The following ZNF577 variants were observed in gnomAD, a reference collection of about 807,000 sequenced individuals.
The protein encoded by ZNF577 is zinc finger protein 577.
A neutral mutation model predicts 13.9 loss-of-function variants in ZNF577; 14 were observed. The observed-to-expected ratio is 1.00, with a 90% CI of 0.66 to 1.57. The LOEUF (loss-of-function observed/expected upper bound fraction) is 1.57. ZNF577 is among the 40% of genes most tolerant of loss of function. The pLI is 0.00. For synonymous variants in ZNF577, 203 were observed against 202.9 expected (o/e 1.00, Z 0.00); for missense variants, 555 against 579.2 (o/e 0.96, Z 0.43).
At chr19:51,827,043 C>A (rs1315986122) in intron 9 of ZNF577, among the ~76,000 whole-genome samples, 5 of 152,160 alleles carry the variant, frequency 3.3e-5, no homozygotes, top group Admixed American at 1.3e-4. Flanking sequence ...GTGTCTCTGG[C>A]CACATGACGT....
chr19:51,873,064 A>C lies in ZNF577; in HGVS notation c.926T>G (p.Phe309Cys). 6.2e-7 allele frequency: 1 copy of C among 1,614,150 alleles called. No individual in the cohort carries two copies. Among genetic ancestry groups the C allele is most frequent in the South Asian group, 1.1e-5 (1 of 91,074 alleles). ...KCSDCGRTFY[F>C]KSDLTRHQRI... ...CTGATGTCTGGTCAGGTCTGACTTA[A>C]AATAGAAGGTTCTTCCACAATCACT... Residue 309 changes from phenylalanine (F) to cysteine (C), a missense_variant, in exon 6 of 6, where the codon TTT becomes TGT. By Grantham distance (205) the Phe-to-Cys change is radical. Transcript: ENST00000638348.
Position 51,870,737 on chromosome 19 carries a change from G to C in ZNF577, c.*1795C>G, listed in dbSNP as rs1205787572. Among the ~76,000 whole-genome samples, 4 of 152,106 alleles carry C rather than the reference G, an allele frequency of 2.6e-5. No homozygotes were observed. The highest frequency in any genetic ancestry group is 4.8e-5 in the African/African-American group (2 of 41,430). On this transcript the variant is annotated 3_prime_UTR_variant, in exon 6 of 6. Transcript: ENST00000638348. The stretch of plus-strand genomic sequence containing the variant: ...CCAATTCATGAATTTGGGCCACCTT[G>C]AATTCCTCAAACCCTAAACTCTGTC...
At chr19:51,875,970 C>G (rs1221746090) in intron 5 of ZNF577, among the ~76,000 whole-genome samples, 1 of 152,170 alleles carries the variant, frequency 6.6e-6, no homozygotes, top group South Asian at 2.1e-4. Context: ...AAGGCAACTC[C>G]AAGGTGACCA....
chr19:51,805,810 T>C (rs2084055019), intron 10 of ZNF577, among the ~76,000 whole-genome samples: 1 of 152,150 alleles, frequency 6.6e-6, no homozygotes, highest in African/African-American at 2.4e-5. Flanking sequence ...GCAAAAATTA[T>C]CATGCCTAAG....
In ZNF577 at chr19:51,880,665, A is replaced by G. The variant is rs2084847732; in HGVS notation, c.-20+14T>C. On this transcript the variant is annotated intron_variant, in intron 2 of 5. Transcript: ENST00000638348. ...TTGGGAAACAAACGACAAAATAGGTAAAACAAACCTCACCTGGGCCTTGCC... is the reference window on the plus strand; with the variant it reads ...TTGGGAAACAAACGACAAAATAGGTGAAACAAACCTCACCTGGGCCTTGCC... 1 of 452,502 alleles carries G rather than the reference A, an allele frequency of 2.2e-6. No homozygotes were observed. Among genetic ancestry groups the G allele is most frequent in the Non-Finnish European group, 4.0e-6 (1 of 250,990 alleles). The allele number at this position is 452,502 out of a possible 1,614,324, so 28.0% of individuals were successfully genotyped here.
Position 51,843,500 on chromosome 19 carries a change from C to T in ZNF577, c.*155-185G>A, listed in dbSNP as rs560615312. Among the ~76,000 whole-genome samples, 3 of 152,288 alleles carry T rather than the reference C, an allele frequency of 2.0e-5. No homozygotes were observed. The South Asian group carries it at 6.2e-4, about 32-fold the overall frequency. On this transcript the variant is annotated intron_variant and NMD_transcript_variant, in intron 6 of 10. Coordinates refer to the ZNF577 transcript ENST00000638827. ...AAAAACTATCTTTTCTTTGTGCATT[C>T]TTCATTCACTTGTTTACTCTTTCAT...
intron 9 of ZNF577, among the ~76,000 whole-genome samples, chr19:51,831,713 A>G (rs1324367343): frequency 1.3e-5 from 2 of 152,170 alleles, no homozygotes; most frequent in Non-Finnish European, 2.9e-5. Flanking sequence ...TGAATCCACT[A>G]TCTGACTCCC....
chr19:51,878,504 T>G lies in ZNF577; in HGVS notation c.72A>C (p.Ser24=). The G allele has an allele frequency of 6.2e-7, 1 of 1,614,094 alleles. No individual in the cohort carries two copies. Among genetic ancestry groups the G allele is most frequent in the Non-Finnish European group, 8.5e-7 (1 of 1,179,968 alleles). Residue 24 remains serine, a synonymous_variant, in exon 4 of 6, where the codon TCA becomes TCC. Coordinates refer to ENST00000638348, the MANE Select transcript of ZNF577 (RefSeq NM_001370449.1). ...TGAAGCCCACAGCCACATCTTCGAA[T>G]GACAATGACCCCTATAATAACAATT... ...QGSSSGEGSL[S]FEDVAVGFTR... is the part of the protein sequence containing the mutation.
At chr19:51,847,272 T>C (rs1485271609) in intron 5 of ZNF577, among the ~76,000 whole-genome samples, 1 of 152,146 alleles carries the variant, frequency 6.6e-6, no homozygotes, top group Non-Finnish European at 1.5e-5. Flanking sequence ...TTGGGAAATA[T>C]AATACCTCAA....
At chr19:51,833,263 A>G (rs1462283593) in intron 9 of ZNF577, among the ~76,000 whole-genome samples, 1 of 152,104 alleles carries the variant, frequency 6.6e-6, no homozygotes, top group Non-Finnish European at 1.5e-5. Flanking sequence ...TCAGTAATCA[A>G]GGCAATCACG....
chr19:51,886,113 T>G (rs879061235), intron 1 of ZNF577: 1 of 152,268 alleles, frequency 6.6e-6, no homozygotes, highest in Middle Eastern at 3.4e-3. Context: ...AGATAATAAT[T>G]ACCTTTGGAG....
In ZNF577 at chr19:51,873,186, T is replaced by C. The variant is rs1430850169; in HGVS notation, c.804A>G (p.Lys268=). The change falls in exon 6 of 6, where the codon AAA becomes AAG. Residue 268 remains lysine (K), a synonymous_variant. Coordinates refer to ENST00000638348, the MANE Select transcript of ZNF577 (RefSeq NM_001370449.1). ...TCCCACACACACTGCACCCATAGAGTTTCTCTCCAGTATGTGATCGCTGAT... is the reference window on the plus strand; with the variant it reads ...TCCCACACACACTGCACCCATAGAGCTTCTCTCCAGTATGTGATCGCTGAT... ...NRHQRSHTGE[K]LYGCSVCGKA... 3 of 1,613,964 alleles carry C rather than the reference T, an allele frequency of 1.9e-6. No homozygotes were observed. In the Admixed American group the frequency reaches 5.0e-5, roughly 27 times the overall value.
At chr19:51,806,682 C>T (rs769359368) in intron 10 of ZNF577, among the ~76,000 whole-genome samples, 4 of 152,178 alleles carry the variant, frequency 2.6e-5, no homozygotes, top group Non-Finnish European at 4.4e-5. Context: ...TAAGCAGGTC[C>T]ATTGTCAATT....
Position 51,872,672 on chromosome 19 carries a change from C to T in ZNF577, c.1318G>A (p.Val440Met), listed in dbSNP as rs756650402. The T allele has an allele frequency of 1.2e-6, 2 of 1,614,212 alleles. No individual in the cohort carries two copies. The highest frequency in any genetic ancestry group is 2.2e-5 in the South Asian group (2 of 91,084). ...TGATTTCTTGGAAAAGGTTGTTCCA[C>T]AATCACTACATTTCTGCCCACTAGG... is the stretch of plus-strand genomic sequence containing the variant. ...ERLVGRNVVI[V>M]EQPFPRNQAF... is the part of the protein sequence containing the mutation. The change falls in exon 6 of 6, where the codon GTG (valine) becomes ATG (methionine). Residue 440 changes from valine (V) to methionine (M), a missense_variant. Physicochemically the swap from Val to Met is conservative, Grantham distance 21. Transcript: ENST00000638348.
At chr19:51,834,306 G>A (rs1160655133) in intron 9 of ZNF577, among the ~76,000 whole-genome samples, 1 of 152,046 alleles carries the variant, frequency 6.6e-6, no homozygotes, top group African/African-American at 2.4e-5. Context: ...GCAAACTCCT[G>A]GCCTCAAGAT....
intron 9 of ZNF577, among the ~76,000 whole-genome samples, chr19:51,818,997 G>A (rs545230334): frequency 6.6e-6 from 1 of 152,344 alleles, no homozygotes; most frequent in Admixed American, 6.5e-5. Context: ...CAGGGCCATG[G>A]ACATGGGTAG....
Position 51,872,575 on chromosome 19 carries a change from A to T in ZNF577, c.1415T>A (p.Val472Glu). 2 of 1,609,876 alleles carry T rather than the reference A, an allele frequency of 1.2e-6. No individual in the cohort carries two copies. The highest frequency in any genetic ancestry group is 8.5e-7 in the Non-Finnish European group (1 of 1,178,476). The change falls in exon 6 of 6, where the codon GTA becomes GAA. Residue 472 changes from valine (V) to glutamate (E), a missense_variant. Transcript: ENST00000638348. Reference protein sequence around the residue: ...LTNEVNVAPSVINYILYLTDI... With the variant: ...LTNEVNVAPSEINYILYLTDI... ...TGTAAGATACAAGATATAATTTATT[A>T]CTGATGGGGCCACATTCACTTCATT...
intron 9 of ZNF577, among the ~76,000 whole-genome samples, chr19:51,830,344 A>G (rs1050798684): frequency 1.3e-5 from 2 of 152,214 alleles, no homozygotes; most frequent in African/African-American, 4.8e-5. Context: ...CCTGAACTTT[A>G]CAACAAATTT....
intron 9 of ZNF577, among the ~76,000 whole-genome samples, chr19:51,817,230 G>A (rs1322321336): frequency 6.6e-6 from 1 of 152,156 alleles, no homozygotes; most frequent in African/African-American, 2.4e-5. Context: ...CAAAGTCTCT[G>A]CTGAAGCCTA....
Sources: gnomAD v4.1 joint callset for allele counts (sites outside exome capture counted in the v4.1 genomes callset) on GRCh38, gnomAD v4.1.1 for gene constraint, MANE v1.5 for transcripts, NCBI Gene and HGNC (gene_info 2026-07-23, HGNC 2026-07-21) for gene names.